The following UNC5C variants were observed in gnomAD, a reference collection of about 807,000 sequenced individuals.
UNC5C encodes the protein netrin receptor UNC5C.
Under a neutral mutation model 99.8 loss-of-function variants are expected in UNC5C, and 47 were observed. The observed-to-expected ratio is 0.47, with a 90% CI of 0.37 to 0.60. The LOEUF is 0.60. Ranked by LOEUF, UNC5C falls within the 20% of genes least tolerant of loss-of-function variation. The probability of loss-of-function intolerance (pLI) is 0.00; values close to 1 mark genes in which losing one functional copy is unlikely to be tolerated. For missense variants in UNC5C, 1,062 were observed against 1,165.9 expected, an observed-to-expected ratio of 0.91 and a Z score of 1.30; for synonymous variants, 487 against 452.2, an observed-to-expected ratio of 1.08 and a Z score of -0.98.
intron 7 of UNC5C, among the ~76,000 whole-genome samples, chr4:95,232,459 C>A (rs1486963286): frequency 6.6e-6 from 1 of 152,068 alleles, no homozygotes; most frequent in Non-Finnish European, 1.5e-5. Flanking sequence ...TGACTGACTT[C>A]TAGAATACAT....
At chr4:95,543,606 A>C (rs1008083136) in intron 1 of UNC5C, among the ~76,000 whole-genome samples, 15 of 152,202 alleles carry the variant, frequency 9.9e-5, no homozygotes, top group Admixed American at 9.8e-4. Flanking sequence ...TTTTCTTTTA[A>C]AGAAAAACTG....
chr4:95,285,696 G>A (rs1277082363), intron 3 of UNC5C, among the ~76,000 whole-genome samples: 5 of 152,138 alleles, frequency 3.3e-5, no homozygotes, highest in African/African-American at 9.7e-5. Flanking sequence ...CATCTATTCA[G>A]TGGATTAAAA....
intron 1 of UNC5C, among the ~76,000 whole-genome samples, chr4:95,404,923 T>C (rs757201801): frequency 1.3e-5 from 2 of 151,968 alleles, no homozygotes; most frequent in Admixed American, 6.6e-5. Context: ...CTGGGGGCAG[T>C]TGAAGAGGAG....
At chr4:95,367,040 A>G (rs1182663893) in intron 1 of UNC5C, among the ~76,000 whole-genome samples, 1 of 152,102 alleles carries the variant, frequency 6.6e-6, no homozygotes, top group Non-Finnish European at 1.5e-5. Context: ...ATCTTCACTA[A>G]GACCCTGTCA....
intron 1 of UNC5C, among the ~76,000 whole-genome samples, chr4:95,532,542 T>C (rs1466391745): frequency 6.6e-6 from 1 of 151,728 alleles, no homozygotes; most frequent in African/African-American, 2.4e-5. Flanking sequence ...TCAATTCCTG[T>C]ACTCATCATG....
intron 4 of UNC5C, among the ~76,000 whole-genome samples, chr4:95,261,549 A>T (rs999525088): frequency 1.3e-5 from 2 of 152,200 alleles, no homozygotes; most frequent in South Asian, 4.1e-4. Context: ...CATATAAATA[A>T]CTAAGGGAAC....
intron 7 of UNC5C, among the ~76,000 whole-genome samples, chr4:95,227,324 A>AT (rs201374605): frequency 0.037 from 5,664 of 151,650 alleles, 124 homozygotes; most frequent in South Asian, 0.075. Context: ...CTATTTAAAA[A>AT]ATTTTTTTTG....
At chr4:95,490,417 A>G (rs926800407) in intron 1 of UNC5C, among the ~76,000 whole-genome samples, 3 of 151,652 alleles carry the variant, frequency 2.0e-5, no homozygotes, top group African/African-American at 7.3e-5. Flanking sequence ...ATTAATATAT[A>G]AAAAACCCCT....
intron 5 of UNC5C, among the ~76,000 whole-genome samples, chr4:95,246,152 A>C (rs2149380105): frequency 6.6e-6 from 1 of 152,338 alleles, no homozygotes; most frequent in East Asian, 1.9e-4. Context: ...AAGATGAATA[A>C]TTGGAAACAA....
intron 14 of UNC5C, among the ~76,000 whole-genome samples, chr4:95,177,357 T>C (rs1314767141): frequency 2.0e-5 from 3 of 152,192 alleles, no homozygotes; most frequent in African/African-American, 7.2e-5. Flanking sequence ...AGTGTTTGGT[T>C]CCTGCTGAGT....
At chr4:95,506,317 C>A (rs2149485877) in intron 1 of UNC5C, among the ~76,000 whole-genome samples, 1 of 152,126 alleles carries the variant, frequency 6.6e-6, no homozygotes, top group African/African-American at 2.4e-5. Flanking sequence ...TAGGATGTTG[C>A]TTTCTTATCT....
chr4:95,536,442 G>T (rs1279130443), intron 1 of UNC5C, among the ~76,000 whole-genome samples: 1 of 152,112 alleles, frequency 6.6e-6, no homozygotes, highest in African/African-American at 2.4e-5. Flanking sequence ...AGTTATCCAT[G>T]AAAGTAACAG....
At chr4:95,304,022 A>G (rs1350933426) in intron 2 of UNC5C, among the ~76,000 whole-genome samples, 1 of 152,148 alleles carries the variant, frequency 6.6e-6, no homozygotes, top group Non-Finnish European at 1.5e-5. Flanking sequence ...CAACTACCCA[A>G]TGGGAGTAGG....
intron 1 of UNC5C, among the ~76,000 whole-genome samples, chr4:95,339,043 C>T (rs1247097442): frequency 6.6e-6 from 1 of 152,036 alleles, no homozygotes; most frequent in African/African-American, 2.4e-5. Flanking sequence ...CATCTCACTT[C>T]ATGGAAAGTC....
At chr4:95,289,778 C>G (rs1741376865) in intron 3 of UNC5C, among the ~76,000 whole-genome samples, 1 of 151,994 alleles carries the variant, frequency 6.6e-6, no homozygotes, top group Non-Finnish European at 1.5e-5. Context: ...CTGCTGTGAA[C>G]CAAACAGTGA....
intron 1 of UNC5C, among the ~76,000 whole-genome samples, chr4:95,468,449 A>G (rs987297536): frequency 6.6e-6 from 1 of 151,922 alleles, no homozygotes; most frequent in Non-Finnish European, 1.5e-5. Flanking sequence ...GAAATGCTTT[A>G]CCCTCCATCT....
At chr4:95,463,252 G>A (rs1054520670) in intron 1 of UNC5C, among the ~76,000 whole-genome samples, 1 of 152,104 alleles carries the variant, frequency 6.6e-6, no homozygotes, top group Non-Finnish European at 1.5e-5. Flanking sequence ...CTGCAGAGCC[G>A]CTGAATATGT....
At chr4:95,472,909 A>C (rs1333525256) in intron 1 of UNC5C, among the ~76,000 whole-genome samples, 5 of 151,872 alleles carry the variant, frequency 3.3e-5, no homozygotes, top group African/African-American at 1.2e-4. Flanking sequence ...TAAAATCTAA[A>C]AAAAAAAAAA....
chr4:95,426,059 A>G (rs1746474740), intron 1 of UNC5C, among the ~76,000 whole-genome samples: 1 of 152,132 alleles, frequency 6.6e-6, no homozygotes, highest in Admixed American at 6.5e-5. Context: ...TTGTATTTGC[A>G]GATATTGCAT....
Sources: allele counts gnomAD v4.1 joint callset (sites outside exome capture counted in the v4.1 genomes callset), GRCh38; gene constraint gnomAD v4.1.1; transcripts MANE v1.5; gene names NCBI Gene and HGNC (gene_info 2026-07-23, HGNC 2026-07-21).